Variants in PES1 observed in about 807,000 individuals in gnomAD.
PES1 encodes the protein pescadillo ribosomal biogenesis factor 1.
Under a neutral mutation model 77.1 loss-of-function variants are expected in PES1, and 31 were observed. The ratio of observed to expected loss-of-function variants is 0.40; its 90% CI spans 0.30 to 0.54. The LOEUF (loss-of-function observed/expected upper bound fraction) is 0.54. PES1 is among the 20% of genes least tolerant of loss of function. The pLI is 0.45. For missense variants in PES1, 658 were observed against 771.7 expected (o/e 0.85, Z 1.75); for synonymous variants, 282 against 303.0 (o/e 0.93, Z 0.72).
At chr22:30,580,848 T>C (rs1280064148) in intron 9 of PES1, 147 bp from the exon 10 acceptor site, 1 of 1,311,666 alleles carries the variant, frequency 7.6e-7, no homozygotes, top group Non-Finnish European at 1.1e-6. Flanking sequence ...TCCTGAGCTC[T>C]GTTGCCTCCT....
At chr22:30,580,025 A>G in intron 11 of PES1, 28 bp downstream of exon 11, 1 of 1,612,440 alleles carries the variant, frequency 6.2e-7, no homozygotes, top group East Asian at 2.2e-5. Flanking sequence ...ATACCCAGAA[A>G]TCCGGACGAG....
In PES1 at chr22:30,577,133, T is replaced by A; in HGVS notation, c.1684-4A>T. 6.2e-7 allele frequency: 1 copy of A among 1,612,826 alleles called. No homozygotes were observed. The highest frequency in any genetic ancestry group is 1.3e-5 in the African/African-American group (1 of 74,524). ...GCTTCTCCGCCAGCTTGTTGGCCTG[T>A]GAGGGGGAAGGCGAAGGTCAGGCTG... On this transcript the variant is annotated splice_region_variant and splice_polypyrimidine_tract_variant and intron_variant, in intron 14 of 14. Coordinates refer to ENST00000354694, the MANE Select transcript of PES1 (RefSeq NM_014303.4).
Position 30,588,970 on chromosome 22 carries a change from T to G in PES1, c.104+221A>C, listed in dbSNP as rs147362887. ...GATGGCAGGGACCCAGCCCAGCCCA[T>G]CCCAGCCCAGCTAGCCCATCCTGAC... On this transcript the variant is annotated intron_variant, in intron 2 of 14. Transcript: ENST00000354694. Among the ~76,000 whole-genome samples the G allele has an allele frequency of 4.8e-3, 736 of 152,058 alleles. 9 individuals carry two copies. The highest frequency in any genetic ancestry group is 0.024 in the South Asian group (116 of 4,806).
At chr22:30,577,258 A>T in intron 14 of PES1, 129 bp from the exon 15 acceptor site, 1 of 764,520 alleles carries the variant, frequency 1.3e-6, no homozygotes. Flanking sequence ...CAGGAAAAAA[A>T]TCTACCTGAC....
At chr22:30,592,359 C>A, upstream of PES1, 2 of 989,038 alleles carry the variant, frequency 2.0e-6, no homozygotes, top group South Asian at 9.3e-5. Context: ...TGAGTTCCCA[C>A]CGGCTTCGGG....
intron 2 of PES1, among the ~76,000 whole-genome samples, chr22:30,603,054 G>C (rs2087382142): frequency 6.6e-6 from 1 of 151,918 alleles, no homozygotes; most frequent in Non-Finnish European, 1.5e-5. Flanking sequence ...GGGACTACAG[G>C]AGCCCACCAC....
chr22:30,596,836 C>T (rs1227222849), upstream of PES1, among the ~76,000 whole-genome samples: 2 of 152,224 alleles, frequency 1.3e-5, no homozygotes, highest in Non-Finnish European at 2.9e-5. Context: ...GAGCCGGCTC[C>T]CTCAGCCTGC....
chr22:30,594,727 C>T (rs1003857476), upstream of PES1, among the ~76,000 whole-genome samples: 2 of 151,756 alleles, frequency 1.3e-5, no homozygotes, highest in African/African-American at 4.8e-5. Context: ...CCCAGCTACT[C>T]AGAAGCTGAG....
At chr22:30,584,847 G>A in intron 4 of PES1, 130 bp from the exon 5 acceptor site, 1 of 862,942 alleles carries the variant, frequency 1.2e-6, no homozygotes, top group Non-Finnish European at 1.8e-6. Flanking sequence ...TCCTGACCTG[G>A]CAGGAGCAGC....
intron 2 of PES1, among the ~76,000 whole-genome samples, chr22:30,601,208 A>C (rs2087349664): frequency 6.6e-6 from 1 of 152,256 alleles, no homozygotes; most frequent in South Asian, 2.1e-4. Context: ...GAATGACAAA[A>C]TTACAGAAAA....
chr22:30,598,799 A>T (rs972790308), intron 2 of PES1, among the ~76,000 whole-genome samples: 3 of 151,524 alleles, frequency 2.0e-5, no homozygotes, highest in Non-Finnish European at 4.4e-5. Context: ...TATTGTGTCT[A>T]CATGGTACCA....
At chr22:30,596,944 C>G (rs889238658) in intron 2 of PES1, among the ~76,000 whole-genome samples, 1 of 152,194 alleles carries the variant, frequency 6.6e-6, no homozygotes, top group Admixed American at 6.5e-5. Flanking sequence ...TTGGCGGGCC[C>G]GCACTCGGAG....
intron 2 of PES1, among the ~76,000 whole-genome samples, chr22:30,599,203 A>C (rs931717342): frequency 6.6e-6 from 1 of 152,020 alleles, no homozygotes; most frequent in Non-Finnish European, 1.5e-5. Context: ...GGCCTGACTC[A>C]AGTAAATCTT....
At chr22:30,581,879 G>A (rs1316708265) in intron 6 of PES1, among the ~76,000 whole-genome samples, 1 of 152,126 alleles carries the variant, frequency 6.6e-6, no homozygotes, top group Admixed American at 6.5e-5. Context: ...GGGTCCCAAG[G>A]GTTAGACGCA....
chr22:30,600,373 T>A (rs1048832936), intron 2 of PES1, among the ~76,000 whole-genome samples: 3 of 152,084 alleles, frequency 2.0e-5, no homozygotes, highest in Admixed American at 2.0e-4. Flanking sequence ...TGCAGAACAG[T>A]CTTATATAAC....
rs754601309 is a variant in PES1, at chr22:30,584,449, G to A, written c.546C>T (p.Phe182=). 9.9e-6 allele frequency: 16 copies of A among 1,611,988 alleles called. No homozygotes were observed. Among genetic ancestry groups the A allele is most frequent in the African/African-American group, 2.7e-5 (2 of 75,016 alleles). Residue 182 remains phenylalanine (F), a synonymous_variant, in exon 6 of 15, where the codon TTC becomes TTT. Coordinates refer to ENST00000354694, the MANE Select transcript of PES1 (RefSeq NM_014303.4). ...IIAARALRKV[F]LSIKGIYYQA... ...GGTAGTAAATGCCTTTGATGGACAG[G>A]AAGACCTAGGGGAGAGGAGGAGACA...
upstream of PES1, among the ~76,000 whole-genome samples, chr22:30,594,739 G>A (rs1041331145): frequency 1.3e-5 from 2 of 151,818 alleles, no homozygotes; most frequent in Non-Finnish European, 2.9e-5. Context: ...GAAGCTGAGT[G>A]GGGAGGATCA....
chr22:30,603,533 C>T (rs961335007), intron 2 of PES1, among the ~76,000 whole-genome samples: 1 of 151,968 alleles, frequency 6.6e-6, no homozygotes, highest in African/African-American at 2.4e-5. Flanking sequence ...AGGCACATGC[C>T]ACCATGCCCG....
At chr22:30,596,805 T>C (rs528843088), upstream of PES1, among the ~76,000 whole-genome samples, 68 of 152,306 alleles carry the variant, frequency 4.5e-4, no homozygotes, top group Non-Finnish European at 1.9e-4. Context: ...TGGGAGCCCT[T>C]CTCTGGGCTG....
Sources: gnomAD v4.1 joint callset for allele counts (sites outside exome capture counted in the v4.1 genomes callset) on GRCh38, gnomAD v4.1.1 for gene constraint, MANE v1.5 for transcripts, NCBI Gene and HGNC (gene_info 2026-07-23, HGNC 2026-07-21) for gene names.